Variants in RAD51B observed in about 807,000 individuals in gnomAD.
RAD51B encodes DNA repair protein RAD51 homolog 2.
Under a neutral mutation model 42.2 loss-of-function variants are expected in RAD51B, and 38 were observed. The ratio of observed to expected loss-of-function variants is 0.90; its 90% CI spans 0.70 to 1.18. The LOEUF (loss-of-function observed/expected upper bound fraction) is 1.18. Among genes scored for constraint, RAD51B ranks in the 50% most tolerant of loss-of-function variants. RAD51B has a pLI of 0.00. For synonymous variants in RAD51B, 154 were observed against 145.2 expected (o/e 1.06, Z -0.43); for missense variants, 373 against 400.7 (o/e 0.93, Z 0.59).
chr14:68,592,016 T>C (rs141374192), intron 10 of RAD51B, among the ~76,000 whole-genome samples: 1 of 152,212 alleles, frequency 6.6e-6, no homozygotes, highest in East Asian at 1.9e-4. Flanking sequence ...AAAGAGAAGC[T>C]CACACTCCCT....
At chr14:68,170,889 G>A (rs773837638) in intron 7 of RAD51B, among the ~76,000 whole-genome samples, 1 of 152,216 alleles carries the variant, frequency 6.6e-6, no homozygotes, top group Non-Finnish European at 1.5e-5. Flanking sequence ...TGAAAAAAAT[G>A]TATTGGGAAT....
At chr14:68,659,626 C>T (rs150484467) in intron 11 of RAD51B, among the ~76,000 whole-genome samples, 132 of 152,284 alleles carry the variant, frequency 8.7e-4, no homozygotes, top group Middle Eastern at 3.4e-3. Flanking sequence ...AGCCAAGGGT[C>T]GCTTCCCAGG....
At chr14:68,654,832 C>T (rs1892776731) in intron 11 of RAD51B, among the ~76,000 whole-genome samples, 2 of 152,176 alleles carry the variant, frequency 1.3e-5, no homozygotes, top group South Asian at 2.1e-4. Flanking sequence ...GCTCCAAGAA[C>T]CCGCTTTGGC....
Position 68,526,332 on chromosome 14 carries a change from G to A in RAD51B, c.1036+58082G>A, listed in dbSNP as rs574948519. Among the ~76,000 whole-genome samples, 4 of 152,308 alleles carry A rather than the reference G, an allele frequency of 2.6e-5. No homozygotes were observed. The South Asian group carries it at 8.3e-4, about 32-fold the overall frequency. On this transcript the variant is annotated intron_variant, in intron 10 of 10. Transcript: ENST00000487270. ...ACATACAGGACTATATAGCCTAGGT[G>A]TGTAGTAGACTATACCATCTAGGTT...
chr14:68,683,042 C>A, intron 11 of RAD51B: 1 of 750,174 alleles, frequency 1.3e-6, no homozygotes, highest in Non-Finnish European at 1.6e-6. Context: ...TGAGTAATCG[C>A]CCAAAATATG....
chr14:68,085,081 A>G (rs1441025706), intron 7 of RAD51B, among the ~76,000 whole-genome samples: 3 of 152,224 alleles, frequency 2.0e-5, no homozygotes, highest in African/African-American at 7.2e-5. Flanking sequence ...CTAGAGTAGG[A>G]AAAACTGTCC....
At chr14:68,647,924 C>T (rs1396285766) in intron 10 of RAD51B, among the ~76,000 whole-genome samples, 1 of 151,046 alleles carries the variant, frequency 6.6e-6, no homozygotes. Flanking sequence ...GGGATCCACC[C>T]GCCTTGGCCT....
chr14:68,349,679 A>G (rs1351388675), intron 8 of RAD51B, among the ~76,000 whole-genome samples: 1 of 152,070 alleles, frequency 6.6e-6, no homozygotes, highest in African/African-American at 2.4e-5. Context: ...CTACTTTTTT[A>G]TATCCATGGG....
chr14:68,389,782 TC>T (rs1473456667), intron 8 of RAD51B, among the ~76,000 whole-genome samples: 1 of 152,228 alleles, frequency 6.6e-6, no homozygotes, highest in Non-Finnish European at 1.5e-5. Flanking sequence ...GTAGATTTGA[TC>T]CGTCTCAGTC....
chr14:68,409,212 T>G (rs1022378390), intron 8 of RAD51B, among the ~76,000 whole-genome samples: 1 of 152,246 alleles, frequency 6.6e-6, no homozygotes, highest in Non-Finnish European at 1.5e-5. Context: ...GCAAATATAG[T>G]TGCTATTGCC....
At chr14:68,406,974 G>A (rs192585301) in intron 8 of RAD51B, among the ~76,000 whole-genome samples, 1 of 152,176 alleles carries the variant, frequency 6.6e-6, no homozygotes, top group African/African-American at 2.4e-5. Flanking sequence ...AAAGTCTTCA[G>A]GGGCAATAAC....
At chr14:67,951,178 C>T (rs1005341095) in intron 7 of RAD51B, among the ~76,000 whole-genome samples, 2 of 152,168 alleles carry the variant, frequency 1.3e-5, no homozygotes, top group Non-Finnish European at 2.9e-5. Flanking sequence ...TTGCCACAAA[C>T]CCTGAATGTG....
chr14:67,864,490 A>G (rs939165382), intron 4 of RAD51B, among the ~76,000 whole-genome samples: 4 of 152,350 alleles, frequency 2.6e-5, no homozygotes, highest in Middle Eastern at 6.8e-3. Context: ...TAAATTGTGT[A>G]CATCAGTACC....
chr14:68,150,552 G>A (rs6573817), intron 7 of RAD51B, among the ~76,000 whole-genome samples: 103,007 of 152,094 alleles, frequency 0.68, 39,156 homozygotes, highest in East Asian at 0.92. Flanking sequence ...TTATACCTAA[G>A]TATTTCCCTT....
At chr14:67,843,391 C>T (rs1259868859) in intron 4 of RAD51B, 2 of 150,914 alleles carry the variant, frequency 1.3e-5, no homozygotes, top group Admixed American at 6.6e-5. Flanking sequence ...TGAGGAGTCC[C>T]TCTTCCTCAG....
chr14:68,165,973 T>C lies in RAD51B; in HGVS notation c.757-125911T>C, dbSNP rs549656261. Among the ~76,000 whole-genome samples, 6 of 152,246 alleles carry C rather than the reference T, an allele frequency of 3.9e-5. No individual in the cohort carries two copies. In the South Asian group the frequency reaches 8.3e-4, roughly 21 times the overall value. On this transcript the variant is annotated intron_variant, in intron 7 of 10. Transcript: ENST00000471583. ...CAATGATCTCGGCATTAATATCTTA[T>C]GCTGTAAGAGGGTGGCCTGGCACAG...
intron 5 of RAD51B, among the ~76,000 whole-genome samples, chr14:67,869,708 G>A (rs537467361): frequency 6.6e-6 from 1 of 152,146 alleles, no homozygotes; most frequent in African/African-American, 2.4e-5. Flanking sequence ...TACCCTCAAA[G>A]GGAAGCCCAT....
Position 67,987,093 on chromosome 14 carries a change from T to C in RAD51B, c.756+99889T>C, listed in dbSNP as rs567125581. On this transcript the variant is annotated intron_variant, in intron 7 of 10. Coordinates refer to ENST00000471583, the MANE Select transcript of RAD51B (RefSeq NM_133510.4). ...TCAGTGTATATATTTATGGGGTACA[T>C]GGTATGTTTTGATACAGGCATACAG... Among the ~76,000 whole-genome samples, 7 of 152,274 alleles carry C rather than the reference T, an allele frequency of 4.6e-5. No homozygotes were observed. In the South Asian group the frequency reaches 1.2e-3, roughly 27 times the overall value.
chr14:68,561,545 TATAA>T (rs1221712157), intron 10 of RAD51B, among the ~76,000 whole-genome samples: 1 of 152,118 alleles, frequency 6.6e-6, no homozygotes, highest in Admixed American at 6.5e-5. Context: ...CAGGCTGAGG[TATAA>T]ATATAAACCA....
Sources: allele counts gnomAD v4.1 joint callset (sites outside exome capture counted in the v4.1 genomes callset), GRCh38; gene constraint gnomAD v4.1.1; transcripts MANE v1.5; gene names NCBI Gene and HGNC (gene_info 2026-07-23, HGNC 2026-07-21).